Variants in CSMD1 observed in about 807,000 individuals in gnomAD.
CSMD1 encodes the protein CUB and sushi domain-containing protein 1.
Under a neutral mutation model 417.5 loss-of-function variants are expected in CSMD1, and 213 were observed. The ratio of observed to expected loss-of-function variants is 0.51; its 90% confidence interval spans 0.46 to 0.57. The LOEUF (loss-of-function observed/expected upper bound fraction) is 0.57, where lower values mean the gene tolerates loss of function less well. CSMD1 is among the 20% of genes least tolerant of loss of function. The pLI is 0.00. For synonymous variants in CSMD1, 2,862 were observed against 1,736.8 expected, an observed-to-expected ratio of 1.65 and a Z score of -16.11; for missense variants, 6,923 against 4,529.7, an observed-to-expected ratio of 1.53 and a Z score of -15.17.
At chr8:3,450,568 T>TG (rs910691611) in intron 12 of CSMD1, among the ~76,000 whole-genome samples, 1 of 151,756 alleles carries the variant, frequency 6.6e-6, no homozygotes, top group Non-Finnish European at 1.5e-5. Context: ...AGTGTTTGTT[T>TG]TTTTTTTGTC....
intron 2 of CSMD1, among the ~76,000 whole-genome samples, chr8:4,425,577 C>T (rs1797502016): frequency 1.3e-5 from 2 of 152,050 alleles, no homozygotes; most frequent in Non-Finnish European, 1.5e-5. Flanking sequence ...CACAAATGTG[C>T]TCCTGAAGAC....
At chr8:3,611,497 T>C (rs1408122982) in intron 8 of CSMD1, among the ~76,000 whole-genome samples, 2 of 151,994 alleles carry the variant, frequency 1.3e-5, no homozygotes, top group East Asian at 1.9e-4. Context: ...CACTTATTTA[T>C]AAAAACTGAA....
chr8:4,965,432 A>T (rs1326345538), intron 1 of CSMD1, among the ~76,000 whole-genome samples: 1 of 152,192 alleles, frequency 6.6e-6, no homozygotes, highest in Non-Finnish European at 1.5e-5. Context: ...AATTTTATAG[A>T]TAGATGAGTT....
chr8:3,793,025 C>G (rs1235004940), intron 5 of CSMD1, among the ~76,000 whole-genome samples: 1 of 152,158 alleles, frequency 6.6e-6, no homozygotes, highest in Non-Finnish European at 1.5e-5. Context: ...TGCTTAAACT[C>G]TGAGGATGGG....
intron 26 of CSMD1, among the ~76,000 whole-genome samples, chr8:3,240,431 TG>T (rs1433260679): frequency 1.0e-4 from 2 of 19,546 alleles, no homozygotes; most frequent in African/African-American, 2.1e-4. Context: ...GGAAAGGAGT[TG>T]TTGTTTTATA....
intron 3 of CSMD1, among the ~76,000 whole-genome samples, chr8:4,214,871 T>C (rs527524696): frequency 6.6e-6 from 1 of 151,598 alleles, no homozygotes; most frequent in Admixed American, 6.6e-5. Context: ...ATAGCGTTTT[T>C]TTAAAAAAAT....
intron 25 of CSMD1, among the ~76,000 whole-genome samples, chr8:3,295,013 G>C (rs907114828): frequency 2.0e-5 from 3 of 152,120 alleles, no homozygotes; most frequent in Non-Finnish European, 2.9e-5. Flanking sequence ...GTGTGTATTT[G>C]TATTCCTAAA....
intron 26 of CSMD1, among the ~76,000 whole-genome samples, chr8:3,245,549 G>T (rs184292955): frequency 8.5e-5 from 13 of 152,164 alleles, no homozygotes; most frequent in African/African-American, 3.1e-4. Flanking sequence ...TAGGATCTGA[G>T]GCCATCTCTT....
intron 3 of CSMD1, among the ~76,000 whole-genome samples, chr8:4,126,786 C>G (rs983885953): frequency 1.3e-5 from 2 of 152,196 alleles, no homozygotes; most frequent in South Asian, 2.1e-4. Flanking sequence ...ACAGGCAACA[C>G]TTCATTCTGG....
chr8:4,060,020 T>G lies in CSMD1; in HGVS notation c.416-27921A>C, dbSNP rs188619793. 2.8e-4 allele frequency among the ~76,000 whole-genome samples: 43 copies of G among 152,316 alleles called. No individual in the cohort carries two copies. The South Asian group carries it at 7.5e-3, about 26-fold the overall frequency. ...GAGAATTTTAGACCAATATCCTTGA[T>G]GAAGTTTGATGCAAAAATCCTCAAT... On this transcript the variant is annotated intron_variant, in intron 3 of 69. Coordinates refer to ENST00000635120, the MANE Select transcript of CSMD1 (RefSeq NM_033225.6).
At chr8:3,290,517 G>T (rs751577497) in intron 25 of CSMD1, among the ~76,000 whole-genome samples, 1 of 144,542 alleles carries the variant, frequency 6.9e-6, no homozygotes, top group Non-Finnish European at 1.5e-5. Context: ...GTGGTTTGTA[G>T]TTCTCCTTGA....
chr8:4,036,619 G>T (rs145948479), intron 3 of CSMD1, among the ~76,000 whole-genome samples: 1 of 152,332 alleles, frequency 6.6e-6, no homozygotes, highest in East Asian at 1.9e-4. Flanking sequence ...GATGTTAGAA[G>T]CAGCGGATGT....
chr8:3,367,729 T>C (rs1033569526), intron 19 of CSMD1, among the ~76,000 whole-genome samples: 1 of 152,174 alleles, frequency 6.6e-6, no homozygotes, highest in Non-Finnish European at 1.5e-5. Context: ...GACATCAATA[T>C]TGAGGAAATA....
chr8:4,224,092 G>A (rs1199658897), intron 3 of CSMD1, among the ~76,000 whole-genome samples: 1 of 152,080 alleles, frequency 6.6e-6, no homozygotes, highest in Admixed American at 6.6e-5. Flanking sequence ...ACTGACCTGA[G>A]GATTTTGCCA....
chr8:4,941,701 C>A (rs578226938), intron 1 of CSMD1, among the ~76,000 whole-genome samples: 11 of 152,248 alleles, frequency 7.2e-5, no homozygotes, highest in East Asian at 3.9e-4. Context: ...CTAGCTCAAG[C>A]AATTCTCTCG....
intron 41 of CSMD1, among the ~76,000 whole-genome samples, chr8:3,137,167 C>A (rs1241657672): frequency 6.6e-6 from 1 of 152,150 alleles, no homozygotes; most frequent in Non-Finnish European, 1.5e-5. Flanking sequence ...ACTACAGTCA[C>A]CCTAAAGGGC....
intron 68 of CSMD1, among the ~76,000 whole-genome samples, chr8:2,945,192 T>C (rs1391583982): frequency 2.0e-5 from 3 of 152,228 alleles, no homozygotes; most frequent in East Asian, 1.9e-4. Flanking sequence ...CTCTTTATAG[T>C]TGAGGGTTTT....
intron 5 of CSMD1, among the ~76,000 whole-genome samples, chr8:3,906,820 G>T (rs1482421410): frequency 6.6e-6 from 1 of 151,988 alleles, no homozygotes; most frequent in Non-Finnish European, 1.5e-5. Context: ...GAATACATAG[G>T]CATATATCAA....
At chr8:3,635,719 G>A (rs1256447703) in intron 7 of CSMD1, among the ~76,000 whole-genome samples, 3 of 146,242 alleles carry the variant, frequency 2.1e-5, no homozygotes, top group Non-Finnish European at 4.5e-5. Flanking sequence ...TCCTGACCTC[G>A]TGATCTGCCC....
Sources: gnomAD v4.1 joint callset for allele counts (sites outside exome capture counted in the v4.1 genomes callset) on GRCh38, gnomAD v4.1.1 for gene constraint, MANE v1.5 for transcripts, NCBI Gene and HGNC (gene_info 2026-07-23, HGNC 2026-07-21) for gene names.